The following TMEM87B variants were observed in gnomAD, a reference collection of about 807,000 sequenced individuals.
TMEM87B encodes the protein transmembrane protein 87B.
Under a neutral mutation model 80.3 loss-of-function variants are expected in TMEM87B, and 83 were observed. The ratio of observed to expected loss-of-function variants is 1.03; its 90% CI spans 0.87 to 1.24. TMEM87B has a LOEUF of 1.24. Ranked by LOEUF, TMEM87B falls within the 50% of genes most tolerant of loss-of-function variation. TMEM87B has a pLI of 0.00. For synonymous variants in TMEM87B, 219 were observed against 230.5 expected, an observed-to-expected ratio of 0.95 and a Z score of 0.45; for missense variants, 625 against 674.4, an observed-to-expected ratio of 0.93 and a Z score of 0.81.
chr2:112,105,725 T>C, intron 15 of TMEM87B: 1 of 273,610 alleles, frequency 3.7e-6, no homozygotes, highest in Non-Finnish European at 6.8e-6. Context: ...TAAGGAAATA[T>C]GTATGCATGT....
chr2:112,068,278 C>T (rs945403646), intron 4 of TMEM87B, among the ~76,000 whole-genome samples: 2 of 152,116 alleles, frequency 1.3e-5, no homozygotes, highest in Admixed American at 1.3e-4. Context: ...GATTATGAGG[C>T]ATTTAAATTT....
At chr2:112,099,726 A>T (rs2104497592) in intron 14 of TMEM87B, among the ~76,000 whole-genome samples, 1 of 150,764 alleles carries the variant, frequency 6.6e-6, no homozygotes, top group South Asian at 2.1e-4. Context: ...AAAATACAAA[A>T]ATTAGCCAGG....
At chr2:112,088,828 G>C (rs1679222138) in intron 9 of TMEM87B, among the ~76,000 whole-genome samples, 2 of 152,122 alleles carry the variant, frequency 1.3e-5, no homozygotes, top group African/African-American at 4.8e-5. Flanking sequence ...GTGCGATCTT[G>C]GCTCACTGCA....
intron 1 of TMEM87B, among the ~76,000 whole-genome samples, chr2:112,056,904 C>A (rs1350721329): frequency 3.3e-5 from 5 of 152,196 alleles, no homozygotes; most frequent in African/African-American, 1.2e-4. Flanking sequence ...GTGAACTACT[C>A]TCATGGCTTC....
At chr2:112,061,058 A>G (rs565474462) in intron 2 of TMEM87B, among the ~76,000 whole-genome samples, 7 of 152,326 alleles carry the variant, frequency 4.6e-5, no homozygotes, top group African/African-American at 1.7e-4. Flanking sequence ...CAAAACGTAC[A>G]TATCCTCGTA....
chr2:112,106,010 A>G lies in TMEM87B; in HGVS notation c.1459A>G (p.Ile487Val), dbSNP rs749206206. 12 of 1,568,530 alleles carry G rather than the reference A, an allele frequency of 7.7e-6. No homozygotes were observed. In the South Asian group the frequency reaches 1.3e-4, roughly 17 times the overall value. ...MVTSENLTEG[I>V]KLRASKSVSN... is the part of the protein sequence containing the mutation. Reference sequence around the variant, plus strand: ...TATAATGTCTCTCGTAGCCGAAGGAATAAAATTAAGAGCCTCAAAATCAGT... The same window carrying G: ...TATAATGTCTCTCGTAGCCGAAGGAGTAAAATTAAGAGCCTCAAAATCAGT... Residue 487 changes from isoleucine (I) to valine (V), a missense_variant, in exon 16 of 19, where the codon ATA (isoleucine) becomes GTA (valine). Physicochemically the swap from Ile to Val is conservative, Grantham distance 29. Coordinates refer to ENST00000283206, the MANE Select transcript of TMEM87B (RefSeq NM_032824.3).
intron 4 of TMEM87B, among the ~76,000 whole-genome samples, chr2:112,071,275 G>A (rs1678622846): frequency 6.6e-6 from 1 of 151,504 alleles, no homozygotes; most frequent in Non-Finnish European, 1.5e-5. Flanking sequence ...GGCTGTTGTT[G>A]GTGTACAGGT....
Position 112,055,599 on chromosome 2 carries a change from C to CCGCCTGCCGCTCGGTAGCCGGG in TMEM87B, c.10_31dup (p.Leu11ArgfsTer42). The CCGCCTGCCGCTCGGTAGCCGGG allele has an allele frequency of 1.3e-6, 2 of 1,523,736 alleles. No homozygotes were observed. Among genetic ancestry groups the CCGCCTGCCGCTCGGTAGCCGGG allele is most frequent in the South Asian group, 2.4e-5 (2 of 81,794 alleles). The allele number at this position is 1,523,736 out of a possible 1,614,324, so 94.4% of individuals were successfully genotyped here. A position where few individuals can be genotyped will look rare whatever the true frequency, so the allele number is the denominator to read the frequency against. On this transcript the variant is annotated frameshift_variant, in exon 1 of 19. Coordinates refer to ENST00000283206, the MANE Select transcript of TMEM87B (RefSeq NM_032824.3). LOFTEE classifies it high-confidence loss of function. ...TGCAGCTTCCTGGTCAAGATGGTCG[C>CCGCCTGCCGCTCGGTAGCCGGG]CGCCTGCCGCTCGGTAGCCGGGCTC...
chr2:112,072,719 C>T (rs1186813963), intron 4 of TMEM87B, among the ~76,000 whole-genome samples: 2 of 151,918 alleles, frequency 1.3e-5, no homozygotes, highest in Admixed American at 1.3e-4. Flanking sequence ...AAAACAGCTT[C>T]TGGATTCATT....
chr2:112,064,417 A>G (rs1039907921), intron 3 of TMEM87B, among the ~76,000 whole-genome samples, 164 bp downstream of exon 3: 3 of 152,276 alleles, frequency 2.0e-5, no homozygotes, highest in Non-Finnish European at 4.4e-5. Context: ...ACATGCTGAG[A>G]ATACTACGAG....
At chr2:112,073,245 T>C (rs1276842768) in intron 4 of TMEM87B, among the ~76,000 whole-genome samples, 2 of 152,188 alleles carry the variant, frequency 1.3e-5, no homozygotes, top group South Asian at 2.1e-4. Context: ...CGTTTAGTGC[T>C]GTAAATTTCC....
intron 11 of TMEM87B, among the ~76,000 whole-genome samples, chr2:112,093,297 A>G (rs759526387): frequency 1.4e-4 from 21 of 152,238 alleles, no homozygotes; most frequent in Non-Finnish European, 2.4e-4. Context: ...GAGTGCTACA[A>G]ACCTAAAATT....
chr2:112,071,870 G>C (rs1678650434), intron 4 of TMEM87B, among the ~76,000 whole-genome samples: 1 of 152,170 alleles, frequency 6.6e-6, no homozygotes, highest in African/African-American at 2.4e-5. Context: ...CGGATGTCAA[G>C]GGTAATGCTT....
chr2:112,115,419 T>C (rs376400196), intron 18 of TMEM87B, among the ~76,000 whole-genome samples: 192 of 128,484 alleles, frequency 1.5e-3, no homozygotes, highest in Non-Finnish European at 2.5e-3. Flanking sequence ...TACAGAAAGA[T>C]GTAGCATTAC....
chr2:112,097,368 C>A, intron 13 of TMEM87B, 77 bp downstream of exon 13: 1 of 1,182,472 alleles, frequency 8.5e-7, no homozygotes, highest in African/African-American at 1.6e-5. Context: ...TTAGTTTATG[C>A]TTGCAAATAG....
At chr2:112,057,841 T>A (rs1678127077) in intron 1 of TMEM87B, among the ~76,000 whole-genome samples, 1 of 151,678 alleles carries the variant, frequency 6.6e-6, no homozygotes, top group African/African-American at 2.4e-5. Context: ...TTTTTTTTTT[T>A]TTTGAGACGA....
intron 4 of TMEM87B, among the ~76,000 whole-genome samples, chr2:112,068,888 T>G (rs925354072): frequency 6.6e-6 from 1 of 152,062 alleles, no homozygotes; most frequent in African/African-American, 2.4e-5. Flanking sequence ...ATGTGCAGGT[T>G]TGTTATATCG....
Position 112,074,967 on chromosome 2 carries a change from G to A in TMEM87B, c.501+5G>A, listed in dbSNP as rs1272599575. On this transcript the variant is annotated splice_donor_5th_base_variant and intron_variant, in intron 5 of 18. Transcript: ENST00000283206. ...TCAAACCAGGAAAGATCAATGGTAA[G>A]CAGTTTGATTTGTCTTTAAATCAAA... is the stretch of plus-strand genomic sequence containing the variant. 2 of 1,579,094 alleles carry A rather than the reference G, an allele frequency of 1.3e-6. No homozygotes were observed. The highest frequency in any genetic ancestry group is 3.6e-5 in the Admixed American group (2 of 55,982).
chr2:112,118,646 TGATA>T lies in TMEM87B; in HGVS notation c.*2506_*2509del, dbSNP rs1183515726. 1.3e-5 allele frequency: 2 copies of T among 152,194 alleles called. No homozygotes were observed. Among genetic ancestry groups the T allele is most frequent in the Non-Finnish European group, 2.9e-5 (2 of 68,012 alleles). The allele number at this position is 152,194 out of a possible 1,614,324, so 9.4% of individuals were successfully genotyped here. A position where few individuals can be genotyped will look rare whatever the true frequency, so the allele number is the denominator to read the frequency against. Reference sequence around the variant, plus strand: ...ATGTGAATTTTTTAAGCCTGAGAGATGATAGAATGTTCCCATATTTTTCTTGTAA... The same window carrying T: ...ATGTGAATTTTTTAAGCCTGAGAGATGAATGTTCCCATATTTTTCTTGTAA... On this transcript the variant is annotated 3_prime_UTR_variant, in exon 19 of 19. Transcript: ENST00000283206.
Sources: gnomAD v4.1 joint callset for allele counts (sites outside exome capture counted in the v4.1 genomes callset) on GRCh38, gnomAD v4.1.1 for gene constraint, MANE v1.5 for transcripts, NCBI Gene and HGNC (gene_info 2026-07-23, HGNC 2026-07-21) for gene names.